Variants in TBC1D24 observed in about 807,000 individuals in gnomAD.
The protein encoded by TBC1D24 is Infantile myoclonic epilepsy.
A neutral mutation model predicts 50.7 loss-of-function variants in TBC1D24; 47 were observed. The ratio of observed to expected loss-of-function variants is 0.93; its 90% CI spans 0.73 to 1.18. The LOEUF (loss-of-function observed/expected upper bound fraction) is 1.18. TBC1D24 is among the 50% of genes most tolerant of loss of function. The pLI, the probability that TBC1D24 is intolerant of heterozygous loss-of-function variation, is 0.00. For synonymous variants in TBC1D24, 324 were observed against 335.2 expected, an observed-to-expected ratio of 0.97 and a Z score of 0.36; for missense variants, 688 against 766.5, an observed-to-expected ratio of 0.90 and a Z score of 1.21.
At chr16:2,481,875 C>T (rs2065612986) in intron 1 of TBC1D24, 1 of 152,286 alleles carries the variant, frequency 6.6e-6, no homozygotes, top group South Asian at 2.1e-4. Flanking sequence ...GGTGTGGTGA[C>T]TAACACCTCA....
At chr16:2,490,925 G>T (rs948260708) in intron 1 of TBC1D24, among the ~76,000 whole-genome samples, 8 of 152,230 alleles carry the variant, frequency 5.3e-5, no homozygotes, top group African/African-American at 1.7e-4. Context: ...CTGCGTAGGA[G>T]CAGGTGCGGC....
Position 2,500,690 on chromosome 16 carries a change from T to C in TBC1D24, c.1526-114T>C. 1 of 1,432,140 alleles carries C rather than the reference T, an allele frequency of 7.0e-7. No individual in the cohort carries two copies. The highest frequency in any genetic ancestry group is 1.4e-5 in the African/African-American group (1 of 70,932). The allele number at this position is 1,432,140 out of a possible 1,614,324, so 88.7% of individuals were successfully genotyped here. On this transcript the variant is annotated intron_variant, in intron 7 of 7. Coordinates refer to ENST00000646147, the MANE Select transcript of TBC1D24 (RefSeq NM_001199107.2). The surrounding 1 kb of genome is among the most constrained non-coding windows in gnomAD (Gnocchi z 8.0). Reference sequence around the variant, plus strand: ...CCTGGGGGCTATGGAGGGTCAACGGTCTGTGCGGTTTCAGAGAGGCCCGTG... The same window carrying C: ...CCTGGGGGCTATGGAGGGTCAACGGCCTGTGCGGTTTCAGAGAGGCCCGTG...
At position 2,487,257 on chromosome 16, in the gene TBC1D24, G is replaced by A. The variant is rs781294175; in HGVS notation, c.-115-8777G>A. ...TTCCCCTAGCACTTCCCCAGCTGCC[G>A]TGGTTGACAGCCTTCTCTCAAGCCG... On this transcript the variant is annotated intron_variant, in intron 1 of 7. Coordinates refer to ENST00000646147, the MANE Select transcript of TBC1D24 (RefSeq NM_001199107.2). This position sits in a 1 kb window ranked among gnomAD's most constrained non-coding sequence, Gnocchi z 4.1. Among the ~76,000 whole-genome samples the A allele has an allele frequency of 4.6e-5, 7 of 152,196 alleles. No individual in the cohort carries two copies. Among genetic ancestry groups the A allele is most frequent in the East Asian group, 1.9e-4 (1 of 5,176 alleles).
In TBC1D24 at chr16:2,485,183, C is replaced by A. The variant is rs1317715828; in HGVS notation, c.-116+10013C>A. 1 of 152,226 alleles carries A rather than the reference C, an allele frequency of 6.6e-6. No homozygotes were observed. The highest frequency in any genetic ancestry group is 2.4e-5 in the African/African-American group (1 of 41,420). 9.4% of individuals were successfully genotyped at this position (152,226 alleles called of 1,614,324 possible). A position where few individuals can be genotyped will look rare whatever the true frequency, so the allele number is the denominator to read the frequency against. ...ATCTCCGTGGTGCTCTTTCTGTGCGCTGGTGTTGACTGATAGCTTCCGGGT... is the reference window on the plus strand; with the variant it reads ...ATCTCCGTGGTGCTCTTTCTGTGCGATGGTGTTGACTGATAGCTTCCGGGT... On this transcript the variant is annotated intron_variant, in intron 1 of 7. Transcript: ENST00000646147. This position sits in a 1 kb window ranked among gnomAD's most constrained non-coding sequence, Gnocchi z 4.6.
In TBC1D24 at chr16:2,475,862, C is replaced by T. The variant is rs2065563711; in HGVS notation, c.-116+692C>T. On this transcript the variant is annotated intron_variant, in intron 1 of 7. Coordinates refer to ENST00000646147, the MANE Select transcript of TBC1D24 (RefSeq NM_001199107.2). This position sits in a 1 kb window ranked among gnomAD's most constrained non-coding sequence, Gnocchi z 4.2. ...CAGGCGGGAGTCCCCGCGGCCTGGC[C>T]ACAGGCCTTCTTTGATGGCCGTGCC... is the stretch of plus-strand genomic sequence containing the variant. Among the ~76,000 whole-genome samples the T allele has an allele frequency of 6.6e-6, 1 of 152,236 alleles. No homozygotes were observed. The highest frequency in any genetic ancestry group is 6.5e-5 in the Admixed American group (1 of 15,292).
Position 2,498,399 on chromosome 16 carries a change from AAC to A in TBC1D24, c.1142+6_1142+7del. 1 of 1,602,550 alleles carries A rather than the reference AAC, an allele frequency of 6.2e-7. No homozygotes were observed. The highest frequency in any genetic ancestry group is 8.5e-7 in the Non-Finnish European group (1 of 1,174,970). Reference sequence around the variant, plus strand: ...CAGCACGGGTACAGCCTGGCCAGGTAACACCCCAAGGGGCCAGAGCGGGCGGC... The same window carrying A: ...CAGCACGGGTACAGCCTGGCCAGGTAACCCCAAGGGGCCAGAGCGGGCGGC... On this transcript the variant is annotated splice_donor_5th_base_variant and intron_variant, in intron 4 of 7. Coordinates refer to ENST00000646147, the MANE Select transcript of TBC1D24 (RefSeq NM_001199107.2).
rs1861855973 is a variant in TBC1D24, at chr16:2,499,011, G to A, written c.1143-346G>A. On this transcript the variant is annotated intron_variant, in intron 4 of 7. Transcript: ENST00000646147. The surrounding 1 kb of genome is among the most constrained non-coding windows in gnomAD (Gnocchi z 4.0). ...CCAGGCGCCACGTTGGCAGACCAGG[G>A]CCTCTTTGGCTCCCACATGCCTGGG... Among the ~76,000 whole-genome samples the A allele has an allele frequency of 6.6e-6, 1 of 152,242 alleles. No homozygotes were observed. Among genetic ancestry groups the A allele is most frequent in the African/African-American group, 2.4e-5 (1 of 41,472 alleles).
intron 1 of TBC1D24, among the ~76,000 whole-genome samples, chr16:2,493,994 G>A (rs1259463311): frequency 2.6e-5 from 4 of 152,150 alleles, no homozygotes; most frequent in Non-Finnish European, 5.9e-5. Context: ...ATTCCTCCCT[G>A]GAGCACCTGC....
chr16:2,475,414 C>A lies in TBC1D24; in HGVS notation c.-116+244C>A, dbSNP rs1239878986. Reference sequence around the variant, plus strand: ...GCGCAGGAGCGGGACCCCCTGGGCGCGAGGCCCGATCCCCGCCCGGTCGCT... The same window carrying A: ...GCGCAGGAGCGGGACCCCCTGGGCGAGAGGCCCGATCCCCGCCCGGTCGCT... On this transcript the variant is annotated intron_variant, in intron 1 of 7. Transcript: ENST00000646147. This position sits in a 1 kb window ranked among gnomAD's most constrained non-coding sequence, Gnocchi z 4.2. Among the ~76,000 whole-genome samples, 1 of 151,858 alleles carries A rather than the reference C, an allele frequency of 6.6e-6. No homozygotes were observed. Among genetic ancestry groups the A allele is most frequent in the Non-Finnish European group, 1.5e-5 (1 of 67,896 alleles).
Position 2,486,920 on chromosome 16 carries a change from C to T in TBC1D24, c.-115-9114C>T, listed in dbSNP as rs888698809. The stretch of plus-strand genomic sequence containing the variant: ...CCATCTCTGGGGGTCCCCTCATCTT[C>T]TCCACCCTCCCGGTCTAGACTCTGC... On this transcript the variant is annotated intron_variant, in intron 1 of 7. Transcript: ENST00000646147. This position sits in a 1 kb window ranked among gnomAD's most constrained non-coding sequence, Gnocchi z 5.8. Among the ~76,000 whole-genome samples the T allele has an allele frequency of 5.9e-5, 9 of 152,342 alleles. No homozygotes were observed. Among genetic ancestry groups the T allele is most frequent in the African/African-American group, 2.2e-4 (9 of 41,574 alleles).
At chr16:2,491,818 G>A (rs1281626490) in intron 1 of TBC1D24, among the ~76,000 whole-genome samples, 2 of 152,006 alleles carry the variant, frequency 1.3e-5, no homozygotes, top group African/African-American at 4.8e-5. Flanking sequence ...CTCCCAAAGT[G>A]CTGGGATTAC....
At chr16:2,497,221 T>C in intron 2 of TBC1D24, 108 bp downstream of exon 2, 1 of 1,442,472 alleles carries the variant, frequency 6.9e-7, no homozygotes, top group South Asian at 1.2e-5. Flanking sequence ...CTGCCCATGG[T>C]CCACCCAGCC....
In TBC1D24 at chr16:2,501,108, C is replaced by T. The variant is rs2065790704; in HGVS notation, c.*150C>T. The T allele has an allele frequency of 1.0e-6, 1 of 975,082 alleles. No homozygotes were observed. Among genetic ancestry groups the T allele is most frequent in the Non-Finnish European group, 1.5e-6 (1 of 664,538 alleles). 60.4% of individuals were successfully genotyped at this position (975,082 alleles called of 1,614,324 possible). A position where few individuals can be genotyped will look rare whatever the true frequency, so the allele number is the denominator to read the frequency against. On this transcript the variant is annotated 3_prime_UTR_variant, in exon 8 of 8. Coordinates refer to ENST00000646147, the MANE Select transcript of TBC1D24 (RefSeq NM_001199107.2). The stretch of plus-strand genomic sequence containing the variant: ...ATGGCCAAGCCTGGCGTTGCCTGGA[C>T]CTGCTGCTGCCTCTACCTGGGGTTT...
chr16:2,477,953 G>A (rs1437886746), intron 1 of TBC1D24: 2 of 152,306 alleles, frequency 1.3e-5, no homozygotes, highest in African/African-American at 4.8e-5. Flanking sequence ...AGGGTAGATG[G>A]GGTGAAGTGA....
In TBC1D24 at chr16:2,504,414, C is replaced by CTTTTTTTTTTTTTTTTTT. The variant is rs901354911; in HGVS notation, c.*3461_*3478dup. ...AACCACAGGCCTATTGAGATTGTCC[C>CTTTTTTTTTTTTTTTTTT]TTTTTTTTTTTTTTTTTTTTTTGAG... is the stretch of plus-strand genomic sequence containing the variant. On this transcript the variant is annotated 3_prime_UTR_variant, in exon 8 of 8. Coordinates refer to ENST00000646147, the MANE Select transcript of TBC1D24 (RefSeq NM_001199107.2). 15 of 125,660 alleles carry CTTTTTTTTTTTTTTTTTT rather than the reference C, an allele frequency of 1.2e-4. No homozygotes were observed. The highest frequency in any genetic ancestry group is 3.7e-4 in the African/African-American group (11 of 29,986). 7.8% of individuals were successfully genotyped at this position (125,660 alleles called of 1,614,324 possible).
At chr16:2,490,400 C>T (rs1456146000) in intron 1 of TBC1D24, among the ~76,000 whole-genome samples, 1 of 152,208 alleles carries the variant, frequency 6.6e-6, no homozygotes, top group Non-Finnish European at 1.5e-5. Flanking sequence ...GGTGGGGAAG[C>T]ACACTTTAGG....
chr16:2,496,426 C>T lies in TBC1D24; in HGVS notation c.278C>T (p.Pro93Leu). Residue 93 changes from proline to leucine, a missense_variant, in exon 2 of 8, where the codon CCC becomes CTC. By Grantham distance (98) the Pro-to-Leu change is moderately conservative. Transcript: ENST00000646147. ...CACAGCAGCAGCTGCCTGCCGCTGC[C>T]CGAGTTCGTGGACAACACGCAGGTG... is the stretch of plus-strand genomic sequence containing the variant. ...GKHSSSCLPLPEFVDNTQVPS... is the reference protein window; with the variant it reads ...GKHSSSCLPLLEFVDNTQVPS... 1 of 1,612,882 alleles carries T rather than the reference C, an allele frequency of 6.2e-7. No homozygotes were observed. The highest frequency in any genetic ancestry group is 8.5e-7 in the Non-Finnish European group (1 of 1,179,962).
intron 2 of TBC1D24, 53 bp downstream of exon 2, chr16:2,497,166 G>C (rs553721255): frequency 6.3e-7 from 1 of 1,596,766 alleles, no homozygotes; most frequent in Admixed American, 1.7e-5. Context: ...GGCTGGGGCA[G>C]GACGTGTCTG....
rs1414527196 is a variant in TBC1D24, at chr16:2,505,055, TTC to T, written c.*4101_*4102del. 3 of 152,230 alleles carry T rather than the reference TTC, an allele frequency of 2.0e-5. No individual in the cohort carries two copies. Among genetic ancestry groups the T allele is most frequent in the Non-Finnish European group, 2.9e-5 (2 of 68,038 alleles). 9.4% of individuals were successfully genotyped at this position (152,230 alleles called of 1,614,324 possible). A position where few individuals can be genotyped will look rare whatever the true frequency, so the allele number is the denominator to read the frequency against. Reference sequence around the variant, plus strand: ...CCCAGCTCATCCAGATTCTTGCTGGTTCTCTTTCTCAGCCTAAATGTCTTGTT... The same window carrying T: ...CCCAGCTCATCCAGATTCTTGCTGGTTCTTTCTCAGCCTAAATGTCTTGTT... On this transcript the variant is annotated 3_prime_UTR_variant, in exon 8 of 8. Coordinates refer to ENST00000646147, the MANE Select transcript of TBC1D24 (RefSeq NM_001199107.2).
Sources: allele counts gnomAD v4.1 joint callset (sites outside exome capture counted in the v4.1 genomes callset), GRCh38; gene constraint gnomAD v4.1.1; non-coding constraint Gnocchi (gnomAD v3.1); transcripts MANE v1.5; gene names NCBI Gene and HGNC (gene_info 2026-07-23, HGNC 2026-07-21).